Variants in SMG1 observed in about 807,000 individuals in gnomAD.
SMG1 encodes the protein serine/threonine-protein kinase SMG1.
Under a neutral mutation model 419.9 loss-of-function variants are expected in SMG1, and 22 were observed. The ratio of observed to expected loss-of-function variants is 0.05; its 90% CI spans 0.04 to 0.07. SMG1 has a LOEUF of 0.07. Ranked by LOEUF, SMG1 falls within the 10% of genes least tolerant of loss-of-function variation. SMG1 has a pLI of 1.00. For missense variants in SMG1, 3,185 were observed against 4,342.0 expected (o/e 0.73, Z 7.49); for synonymous variants, 1,538 against 1,553.5 (o/e 0.99, Z 0.23).
Position 18,819,668 on chromosome 16 carries a change from C to A in SMG1, c.9742-14G>T, listed in dbSNP as rs1445818930. ...AGCTAGCTTCTCCTATAAAAGCCAG[C>A]AGAATCTTGGTGAAGGTATATGACA... On this transcript the variant is annotated splice_polypyrimidine_tract_variant and intron_variant, in intron 55 of 62. Coordinates refer to ENST00000446231, the MANE Select transcript of SMG1 (RefSeq NM_015092.5). The A allele has an allele frequency of 6.5e-7, 1 of 1,537,532 alleles. No individual in the cohort carries two copies. The highest frequency in any genetic ancestry group is 8.7e-7 in the Non-Finnish European group (1 of 1,142,964).
At chr16:18,897,769 G>A (rs2037191372) in intron 1 of SMG1, among the ~76,000 whole-genome samples, 1 of 152,020 alleles carries the variant, frequency 6.6e-6, no homozygotes, top group Non-Finnish European at 1.5e-5. Context: ...GACTTCTCAT[G>A]AGTGTTACTC....
intron 8 of SMG1, among the ~76,000 whole-genome samples, chr16:18,884,455 A>ATAG (rs1475692786): frequency 6.6e-6 from 1 of 152,204 alleles, no homozygotes; most frequent in Admixed American, 6.5e-5. Context: ...ACATGACTTA[A>ATAG]GACTAAACTG....
At chr16:18,841,368 A>G (rs895435131) in intron 41 of SMG1, among the ~76,000 whole-genome samples, 197 bp downstream of exon 41, 1 of 145,946 alleles carries the variant, frequency 6.9e-6, no homozygotes, top group African/African-American at 2.6e-5. Context: ...ACTGCACTCC[A>G]GCATGGGCGA....
At position 18,863,828 on chromosome 16, in the gene SMG1, A is replaced by C; in HGVS notation, c.3517T>G (p.Ser1173Ala). 1 of 1,581,872 alleles carries C rather than the reference A, an allele frequency of 6.3e-7. No individual in the cohort carries two copies. ...TCAGGGGAAGAGTCAGTCGGTTTGGACAGCACAGTTTTTCTGGATTCACCT... is the reference window on the plus strand; with the variant it reads ...TCAGGGGAAGAGTCAGTCGGTTTGGCCAGCACAGTTTTTCTGGATTCACCT... Reference protein sequence around the residue: ...LNGESRKTVLSKPTDSSPEVI... With the variant: ...LNGESRKTVLAKPTDSSPEVI... The change falls in exon 25 of 63, where the codon TCC becomes GCC. Residue 1173 changes from serine to alanine, a missense_variant. Transcript: ENST00000446231.
chr16:18,821,007 T>G (rs533560158), intron 55 of SMG1, among the ~76,000 whole-genome samples: 61 of 152,308 alleles, frequency 4.0e-4, no homozygotes, highest in African/African-American at 1.3e-3. Context: ...AAAAATATTC[T>G]GCTGCCTTAG....
At chr16:18,903,913 A>AT (rs929428011) in intron 1 of SMG1, among the ~76,000 whole-genome samples, 12 of 103,928 alleles carry the variant, frequency 1.2e-4, no homozygotes, top group African/African-American at 4.5e-4. Flanking sequence ...TATTCCCCCC[A>AT]TTTTCCAAGG....
intron 1 of SMG1, among the ~76,000 whole-genome samples, chr16:18,915,281 G>A (rs1358355572): frequency 6.6e-6 from 1 of 151,668 alleles, no homozygotes; most frequent in Admixed American, 6.6e-5. Flanking sequence ...CCAAATTACC[G>A]TATTCTTTCT....
chr16:18,901,698 G>A (rs1686685903), intron 1 of SMG1, among the ~76,000 whole-genome samples: 1 of 152,196 alleles, frequency 6.6e-6, no homozygotes, highest in African/African-American at 2.4e-5. Context: ...GTCCTGGCCA[G>A]AAGCAGTGGC....
chr16:18,882,259 G>A lies in SMG1; in HGVS notation c.1199C>T (p.Ala400Val). 6.2e-7 allele frequency: 1 copy of A among 1,610,442 alleles called. No individual in the cohort carries two copies. Among genetic ancestry groups the A allele is most frequent in the Non-Finnish European group, 8.5e-7 (1 of 1,179,070 alleles). Residue 400 changes from alanine (A) to valine (V), a missense_variant, in exon 10 of 63, where the codon GCA becomes GTA. Ala to Val is a moderately conservative substitution (Grantham distance 64). Around this residue, in one of 27 missense-constraint regions of SMG1, gnomAD observed 52 missense variants for 69.0 expected, o/e 0.75. Transcript: ENST00000446231. ...CACAGTACTAAATACCCGGAGAAGT[G>A]CAGCCAGCTTTGGTAATGACACTGA... ...PPSVSLPKLAALLRVFSTVVR... is the reference protein window; with the variant it reads ...PPSVSLPKLAVLLRVFSTVVR...
intron 36 of SMG1, among the ~76,000 whole-genome samples, chr16:18,848,794 C>A (rs1235200629): frequency 6.6e-6 from 1 of 151,746 alleles, no homozygotes; most frequent in Non-Finnish European, 1.5e-5. Context: ...AACCTACAGC[C>A]GGGCACGGTG....
In SMG1 at chr16:18,876,154, T is replaced by A. The variant is rs1198462770; in HGVS notation, c.1860A>T (p.Thr620=). The A allele has an allele frequency of 1.9e-6, 3 of 1,611,822 alleles. No homozygotes were observed. The highest frequency in any genetic ancestry group is 1.7e-5 in the Admixed American group (1 of 60,024). ...TTAGTGAGTTTTTGGCATTTCCAAT[T>A]GTAGTCAGGGCACTGAGGTCAAATA... is the stretch of plus-strand genomic sequence containing the variant. The part of the protein sequence containing the change: ...VVIFDLSALT[T]IGNAKNSLIG... Residue 620 remains threonine, a synonymous_variant, in exon 13 of 63, where the codon ACA becomes ACT. Coordinates refer to ENST00000446231, the MANE Select transcript of SMG1 (RefSeq NM_015092.5).
At chr16:18,913,293 C>T (rs1387138290) in intron 1 of SMG1, among the ~76,000 whole-genome samples, 2 of 152,064 alleles carry the variant, frequency 1.3e-5, no homozygotes, top group African/African-American at 4.8e-5. Flanking sequence ...CAGGGACACC[C>T]TCAAGAGGCT....
In SMG1 at chr16:18,812,563, CAT is replaced by C. The variant is rs2031521166; in HGVS notation, c.10622-438_10622-437del. 3.3e-5 allele frequency among the ~76,000 whole-genome samples: 5 copies of C among 150,330 alleles called. No homozygotes were observed. The South Asian group carries it at 6.3e-4, about 19-fold the overall frequency. ...TTGTGAACTATTTTATATATATATACATATATATACACACACATATATATACA... is the reference window on the plus strand; with the variant it reads ...TTGTGAACTATTTTATATATATATACATATATACACACACATATATATACA... On this transcript the variant is annotated intron_variant, in intron 60 of 62. Coordinates refer to ENST00000446231, the MANE Select transcript of SMG1 (RefSeq NM_015092.5).
chr16:18,858,218 C>G lies in SMG1; in HGVS notation c.4186G>C (p.Ala1396Pro). 1.9e-6 allele frequency: 3 copies of G among 1,604,262 alleles called. No individual in the cohort carries two copies. Among genetic ancestry groups the G allele is most frequent in the East Asian group, 2.2e-5 (1 of 44,660 alleles). The change falls in exon 29 of 63, where the codon GCA becomes CCA. Residue 1396 changes from alanine (A) to proline (P), a missense_variant. Ala to Pro is a conservative substitution (Grantham distance 27). Coordinates refer to ENST00000446231, the MANE Select transcript of SMG1 (RefSeq NM_015092.5). ...TTCTGGTACATAGTATACCTTAATGCCTGCATCCATGGCCTCACGTCATGC... is the reference window on the plus strand; with the variant it reads ...TTCTGGTACATAGTATACCTTAATGGCTGCATCCATGGCCTCACGTCATGC... ...KQHDVRPWMQALRYTMYQNQL... is the reference protein window; with the variant it reads ...KQHDVRPWMQPLRYTMYQNQL...
rs201400692 is a variant in SMG1, at chr16:18,896,228, G to A, written c.257-21C>T. ...GCCACCTACAAACAGCAATGTGTAC[G>A]TTATTTAAATATGATTGTTCGTTTC... On this transcript the variant is annotated intron_variant, in intron 2 of 62. Coordinates refer to ENST00000446231, the MANE Select transcript of SMG1 (RefSeq NM_015092.5). 2.7e-3 allele frequency: 3,365 copies of A among 1,235,192 alleles called. 85 individuals are homozygous for A. In the African/African-American group the frequency reaches 0.044, roughly 16 times the overall value. The allele number at this position is 1,235,192 out of a possible 1,614,324, so 76.5% of individuals were successfully genotyped here.
chr16:18,845,852 T>C (rs958555447), intron 38 of SMG1, among the ~76,000 whole-genome samples: 10 of 152,098 alleles, frequency 6.6e-5, no homozygotes, highest in African/African-American at 2.4e-4. Context: ...AGTTTTGCTC[T>C]GTCACCAGAC....
At chr16:18,813,702 A>T (rs2031697180) in intron 60 of SMG1, among the ~76,000 whole-genome samples, 1 of 152,138 alleles carries the variant, frequency 6.6e-6, no homozygotes, top group Non-Finnish European at 1.5e-5. Flanking sequence ...TTTTGTTGCC[A>T]TTGCTTTTGG....
intron 18 of SMG1, 51 bp from the exon 19 acceptor site, chr16:18,870,045 T>C (rs2035731969): frequency 2.4e-6 from 3 of 1,236,110 alleles, no homozygotes; most frequent in Non-Finnish European, 3.4e-6. Flanking sequence ...CTTAAAAGGT[T>C]AGCACATACT....
chr16:18,835,232 T>C, intron 48 of SMG1, 68 bp from the exon 49 acceptor site: 1 of 1,454,600 alleles, frequency 6.9e-7, no homozygotes, highest in Non-Finnish European at 9.3e-7. Flanking sequence ...GAATATTGCA[T>C]TTAATCCTCA....
Sources: allele counts gnomAD v4.1 joint callset (sites outside exome capture counted in the v4.1 genomes callset), GRCh38; gene constraint gnomAD v4.1.1; regional missense constraint gnomAD v4.1.1; transcripts MANE v1.5; gene names NCBI Gene and HGNC (gene_info 2026-07-23, HGNC 2026-07-21).